PRKD3: variants seen among roughly 807,000 people sequenced by gnomAD.
The protein encoded by PRKD3 is serine/threonine-protein kinase D3.
In PRKD3, 47 loss-of-function variants were observed where a neutral mutation model predicts 99.2. The ratio of observed to expected loss-of-function variants is 0.47; its 90% CI spans 0.38 to 0.60. The LOEUF is 0.60. PRKD3 is among the 20% of genes least tolerant of loss of function. The pLI, the probability that PRKD3 is intolerant of heterozygous loss-of-function variation, is 0.00. For synonymous variants in PRKD3, 392 were observed against 355.4 expected (o/e 1.10, Z -1.16); for missense variants, 1,019 against 1,088.4 (o/e 0.94, Z 0.90).
At chr2:37,267,096 C>CT (rs1253931812) in intron 14 of PRKD3, among the ~76,000 whole-genome samples, 7 of 152,128 alleles carry the variant, frequency 4.6e-5, no homozygotes. Flanking sequence ...TTAAAGCAAT[C>CT]TTTACTTGCA....
rs1668321354 is a variant in PRKD3 at position 37,260,354 on chromosome 2, C to G, written c.1915G>C (p.Glu639Gln). Reference sequence around the variant, plus strand: ...CGTTCTGGGGTTTCAAACATACATTCCAGGTTTACAATCCCAGGATGGTGC... The same window carrying G: ...CGTTCTGGGGTTTCAAACATACATTGCAGGTTTACAATCCCAGGATGGTGC... ...NLHHPGIVNLECMFETPERVF... is the reference protein window; with the variant it reads ...NLHHPGIVNLQCMFETPERVF... Residue 639 changes from glutamate (E) to glutamine (Q), a missense_variant, in exon 15 of 19, where the codon GAA (glutamate) becomes CAA (glutamine). Transcript: ENST00000234179. 6.2e-7 allele frequency: 1 copy of G among 1,612,094 alleles called. No homozygotes were observed. The highest frequency in any genetic ancestry group is 8.5e-7 in the Non-Finnish European group (1 of 1,178,280).
At chr2:37,272,657 G>A (rs1359174439) in intron 11 of PRKD3, among the ~76,000 whole-genome samples, 1 of 152,074 alleles carries the variant, frequency 6.6e-6, no homozygotes. Context: ...GATGATGTAG[G>A]ACTATAAATA....
chr2:37,314,412 C>T (rs1671572664), intron 2 of PRKD3, among the ~76,000 whole-genome samples: 1 of 152,154 alleles, frequency 6.6e-6, no homozygotes, highest in Non-Finnish European at 1.5e-5. Flanking sequence ...GCTCACAGAT[C>T]AAGATTTTTA....
At position 37,272,966 on chromosome 2, in the gene PRKD3, C is replaced by T. The variant is rs78230499; in HGVS notation, c.1652-534G>A. 2.5e-3 allele frequency among the ~76,000 whole-genome samples: 349 copies of T among 137,452 alleles called. 3 individuals are homozygous for T. Among genetic ancestry groups the T allele is most frequent in the African/African-American group, 9.5e-3 (340 of 35,896 alleles). The allele number at this position is 137,452 out of a possible 152,430, so 90.2% of individuals were successfully genotyped here. On this transcript the variant is annotated intron_variant, in intron 11 of 18. Transcript: ENST00000234179. ...CTGCACTCTCACCTGGGCGACATAG[C>T]GAGACCCTGTCTCTTGGTGGGGGGA...
At chr2:37,269,408 A>C in intron 13 of PRKD3, 2 of 560,216 alleles carry the variant, frequency 3.6e-6, no homozygotes, top group Non-Finnish European at 6.4e-6. Context: ...AAATTTTCTG[A>C]TTCTGTTAAT....
intron 9 of PRKD3, 90 bp downstream of exon 9, chr2:37,277,776 T>C: frequency 7.2e-7 from 1 of 1,381,950 alleles, no homozygotes; most frequent in Non-Finnish European, 9.9e-7. Flanking sequence ...TCTTAATATG[T>C]ATCTCATCAT....
chr2:37,274,560 G>A lies in PRKD3; in HGVS notation c.1512C>T (p.Ser504=). The change falls in exon 11 of 19, where the codon AGC becomes AGT. Residue 504 remains serine, a synonymous_variant. Transcript: ENST00000234179. The part of the protein sequence containing the change: ...VYFVGENNGD[S]SHNPVLAATG... Reference sequence around the variant, plus strand: ...TGGCAGCAAGAACAGGATTATGAGAGCTGTCCCCATTGTTCTCACCAACGA... The same window carrying A: ...TGGCAGCAAGAACAGGATTATGAGAACTGTCCCCATTGTTCTCACCAACGA... 1 of 1,614,134 alleles carries A rather than the reference G, an allele frequency of 6.2e-7. No individual in the cohort carries two copies. Among genetic ancestry groups the A allele is most frequent in the Non-Finnish European group, 8.5e-7 (1 of 1,180,002 alleles).
At chr2:37,267,742 G>C (rs1297085297) in intron 13 of PRKD3, 1 of 489,184 alleles carries the variant, frequency 2.0e-6, no homozygotes, top group Non-Finnish European at 3.6e-6. Flanking sequence ...AATAAAGTCA[G>C]CTGCATTATC....
At chr2:37,273,988 T>A (rs1669434501) in intron 11 of PRKD3, among the ~76,000 whole-genome samples, 1 of 152,256 alleles carries the variant, frequency 6.6e-6, no homozygotes, top group Non-Finnish European at 1.5e-5. Flanking sequence ...AATACTTTAT[T>A]GCCTGTTTAT....
intron 6 of PRKD3, among the ~76,000 whole-genome samples, chr2:37,284,735 A>G (rs537246955): frequency 2.0e-5 from 3 of 152,260 alleles, no homozygotes; most frequent in Admixed American, 2.0e-4. Flanking sequence ...TCTATTCCCC[A>G]TTTAATGTTC....
intron 6 of PRKD3, among the ~76,000 whole-genome samples, chr2:37,284,782 TTTATTA>T (rs575795423): frequency 6.6e-5 from 10 of 151,996 alleles, no homozygotes; most frequent in Admixed American, 4.6e-4. Flanking sequence ...AAAGCTTTAT[TTTATTA>T]TTATTATTAT....
At chr2:37,269,589 A>G (rs1669087558) in intron 13 of PRKD3, 26 bp downstream of exon 13, 8 of 1,578,664 alleles carry the variant, frequency 5.1e-6, no homozygotes, top group East Asian at 2.2e-5. Context: ...AATGTGTACA[A>G]TATGCAAACG....
chr2:37,279,359 C>T (rs1164783559), intron 8 of PRKD3: 1 of 155,484 alleles, frequency 6.4e-6, no homozygotes, highest in Non-Finnish European at 1.4e-5. Context: ...TGAGTATATT[C>T]TTTATTGCCA....
At chr2:37,293,984 T>C (rs1440782512) in intron 2 of PRKD3, among the ~76,000 whole-genome samples, 1 of 152,224 alleles carries the variant, frequency 6.6e-6, no homozygotes, top group East Asian at 1.9e-4. Context: ...AATTTTACCA[T>C]CAGTCTTGGA....
chr2:37,295,496 G>C (rs1670637697), intron 2 of PRKD3, among the ~76,000 whole-genome samples: 1 of 152,116 alleles, frequency 6.6e-6, no homozygotes, highest in South Asian at 2.1e-4. Flanking sequence ...GGGAAAGCTG[G>C]GTAGAGAGAG....
intron 8 of PRKD3, chr2:37,278,250 C>T (rs1186703689): frequency 1.3e-5 from 3 of 231,504 alleles, no homozygotes; most frequent in Middle Eastern, 1.7e-3. Flanking sequence ...AAACAATGAG[C>T]GGAATAGAAA....
intron 7 of PRKD3, 53 bp downstream of exon 7, chr2:37,282,489 A>T: frequency 8.7e-7 from 1 of 1,154,582 alleles, no homozygotes; most frequent in East Asian, 2.3e-5. Flanking sequence ...TAATACACCA[A>T]AGAATCATGG....
At chr2:37,308,020 T>A (rs1671238249) in intron 2 of PRKD3, among the ~76,000 whole-genome samples, 1 of 152,228 alleles carries the variant, frequency 6.6e-6, no homozygotes, top group South Asian at 2.1e-4. Flanking sequence ...GCCAATTTCA[T>A]TTTCCCCCAA....
chr2:37,268,430 C>T (rs952351418), intron 13 of PRKD3: 5 of 455,142 alleles, frequency 1.1e-5, no homozygotes, highest in African/African-American at 6.1e-5. Flanking sequence ...ATTTTCTAGG[C>T]GACTGCTTTA....
Sources: allele counts gnomAD v4.1 joint callset (sites outside exome capture counted in the v4.1 genomes callset), GRCh38; gene constraint gnomAD v4.1.1; transcripts MANE v1.5; gene names NCBI Gene and HGNC (gene_info 2026-07-23, HGNC 2026-07-21).